The following URAD variants were observed in gnomAD, a reference collection of about 807,000 sequenced individuals.
URAD encodes putative 2-oxo-4-hydroxy-4-carboxy-5-ureidoimidazoline decarboxylase.
Under a neutral mutation model 4.6 loss-of-function variants are expected in URAD, and 4 were observed. The ratio of observed to expected loss-of-function variants is 0.87; its 90% CI spans 0.43 to 1.98. The LOEUF (loss-of-function observed/expected upper bound fraction) is 1.98. Among genes scored for constraint, URAD ranks in the 30% most tolerant of loss-of-function variants. The pLI, the probability that URAD is intolerant of heterozygous loss-of-function variation, is 0.03. For missense variants in URAD, 300 were observed against 255.3 expected (o/e 1.18, Z -1.19); for synonymous variants, 144 against 118.2 (o/e 1.22, Z -1.41).
intron 1 of URAD, among the ~76,000 whole-genome samples, chr13:27,987,982 C>T (rs1444851218): frequency 6.6e-6 from 1 of 152,070 alleles, no homozygotes; most frequent in Non-Finnish European, 1.5e-5. Context: ...TTTTTTGAGA[C>T]ATAGTCTTGC....
chr13:27,985,474 A>T (rs371440058), intron 1 of URAD, among the ~76,000 whole-genome samples: 1 of 152,144 alleles, frequency 6.6e-6, no homozygotes, highest in African/African-American at 2.4e-5. Context: ...AATAAAAAAT[A>T]AAAAAGCCTA....
chr13:27,978,203 G>T lies in URAD; in HGVS notation c.425C>A (p.Pro142Gln), dbSNP rs757268000. The change falls in exon 2 of 2, where the codon CCG becomes CAG. Residue 142 changes from proline (P) to glutamine (Q), a missense_variant. Coordinates refer to ENST00000332715, the MANE Select transcript of URAD (RefSeq NM_001105577.2). ...AGCAGTGCGCAGCTCCTGCGCGGAC[G>T]GGCAGAGCAGCCGGCGCGCCAGCTC... ...PRELARRLLC[P>Q]SAQELRTALG... 111 of 1,489,790 alleles carry T rather than the reference G, an allele frequency of 7.5e-5. No homozygotes were observed. The highest frequency in any genetic ancestry group is 8.3e-5 in the Non-Finnish European group (94 of 1,131,760). 92.3% of individuals were successfully genotyped at this position (1,489,790 alleles called of 1,614,324 possible).
intron 1 of URAD, among the ~76,000 whole-genome samples, chr13:27,981,008 TTCTCTC>T (rs900608486): frequency 5.4e-5 from 6 of 111,708 alleles, no homozygotes; most frequent in African/African-American, 1.7e-4. Context: ...TTTCAGTCGC[TTCTCTC>T]TCTCTCTCTC....
Position 27,978,254 on chromosome 13 carries a change from A to G in URAD, c.374T>C (p.Phe125Ser). ...FGFPFVLAAR[F>S]SDRTAVPREL... ...GCGCGGCACCGCCGTCCGGTCGCTG[A>G]AGCGCGCGGCGAGCACGAAGGGGAA... is the stretch of plus-strand genomic sequence containing the variant. The change falls in exon 2 of 2, where the codon TTC becomes TCC. Residue 125 changes from phenylalanine (F) to serine (S), a missense_variant. Physicochemically the swap from Phe to Ser is radical, Grantham distance 155 (BLOSUM62 -2). Transcript: ENST00000332715. The G allele has an allele frequency of 6.9e-7, 1 of 1,445,096 alleles. No individual in the cohort carries two copies. Among genetic ancestry groups the G allele is most frequent in the Non-Finnish European group, 9.0e-7 (1 of 1,108,518 alleles). 89.5% of individuals were successfully genotyped at this position (1,445,096 alleles called of 1,614,324 possible).
intron 1 of URAD, among the ~76,000 whole-genome samples, chr13:27,980,068 T>C (rs1869830294): frequency 6.6e-6 from 1 of 152,142 alleles, no homozygotes; most frequent in East Asian, 1.9e-4. Flanking sequence ...CCACTGTTTT[T>C]TGTTTTTTGT....
chr13:27,988,374 G>A (rs549858626), intron 1 of URAD, 89 bp downstream of exon 1: 24 of 1,342,128 alleles, frequency 1.8e-5, no homozygotes, highest in African/African-American at 1.6e-4. Flanking sequence ...TTACAGGTGT[G>A]AGCCACCATT....
intron 1 of URAD, among the ~76,000 whole-genome samples, chr13:27,986,363 G>A (rs116870063): frequency 1.9e-3 from 282 of 152,244 alleles, no homozygotes; most frequent in Non-Finnish European, 3.2e-3. Context: ...CAAGTCACGG[G>A]GGCATCAAAA....
chr13:27,988,412 CA>C (rs1870098118), intron 1 of URAD, 50 bp downstream of exon 1: 1 of 1,513,830 alleles, frequency 6.6e-7, no homozygotes, highest in South Asian at 1.3e-5. Flanking sequence ...AATATTTTAA[CA>C]AGCATATTTG....
intron 1 of URAD, among the ~76,000 whole-genome samples, chr13:27,978,785 C>A (rs961680264): frequency 5.3e-5 from 8 of 151,974 alleles, no homozygotes; most frequent in African/African-American, 1.7e-4. Context: ...AGAGAGAGGG[C>A]GGCCGCTGAG....
chr13:27,978,242 G>T lies in URAD; in HGVS notation c.386C>A (p.Thr129Lys). The change falls in exon 2 of 2, where the codon ACG becomes AAG. Residue 129 changes from threonine to lysine, a missense_variant. Thr to Lys is a moderately conservative substitution (Grantham distance 78). Coordinates refer to ENST00000332715, the MANE Select transcript of URAD (RefSeq NM_001105577.2). ...FVLAARFSDR[T>K]AVPRELARRL... is the part of the protein sequence containing the mutation. The stretch of plus-strand genomic sequence containing the variant: ...GCGCGCCAGCTCGCGCGGCACCGCC[G>T]TCCGGTCGCTGAAGCGCGCGGCGAG... The T allele has an allele frequency of 6.9e-7, 1 of 1,457,042 alleles. No homozygotes were observed. The highest frequency in any genetic ancestry group is 9.0e-7 in the Non-Finnish European group (1 of 1,114,186). 90.3% of individuals were successfully genotyped at this position (1,457,042 alleles called of 1,614,324 possible).
At chr13:27,985,782 C>T (rs1870009534) in intron 1 of URAD, among the ~76,000 whole-genome samples, 1 of 152,186 alleles carries the variant, frequency 6.6e-6, no homozygotes, top group African/African-American at 2.4e-5. Flanking sequence ...GTTACTTAAT[C>T]TCTGTGTGCC....
In URAD at chr13:27,988,532, G is replaced by T; in HGVS notation, c.106C>A (p.Arg36=). ...PLIAAAVWSQ[R]PFSDLEDLEK... ...AAATCTTCCAAATCAGAGAATGGCC[G>T]CTGGGACCAAACAGCAGCTGCAATC... Residue 36 remains arginine (R), a synonymous_variant, in exon 1 of 2, where the codon CGG becomes AGG. Coordinates refer to ENST00000332715, the MANE Select transcript of URAD (RefSeq NM_001105577.2). The T allele has an allele frequency of 4.3e-6, 7 of 1,613,800 alleles. No homozygotes were observed. The highest frequency in any genetic ancestry group is 1.7e-4 in the Middle Eastern group (1 of 6,060).
intron 1 of URAD, among the ~76,000 whole-genome samples, chr13:27,986,341 C>G (rs80155896): frequency 0.026 from 3,927 of 152,260 alleles, 133 homozygotes; most frequent in African/African-American, 0.086. Context: ...AGCCAGGAGA[C>G]AGAGGTTTCA....
chr13:27,985,181 G>A (rs1326362382), intron 1 of URAD, among the ~76,000 whole-genome samples: 1 of 152,024 alleles, frequency 6.6e-6, no homozygotes, highest in Admixed American at 6.5e-5. Context: ...TTGAAGGTGG[G>A]GCAAGGTGGC....
intron 1 of URAD, among the ~76,000 whole-genome samples, chr13:27,980,073 T>C (rs1566041653): frequency 6.6e-6 from 1 of 152,116 alleles, no homozygotes; most frequent in Non-Finnish European, 1.5e-5. Flanking sequence ...GTTTTTTGTT[T>C]TTTGTGTGTT....
intron 1 of URAD, among the ~76,000 whole-genome samples, chr13:27,981,266 C>T (rs1489768122): frequency 6.6e-6 from 1 of 152,192 alleles, no homozygotes; most frequent in East Asian, 1.9e-4. Flanking sequence ...TATGCTATCC[C>T]TAAGCTGTGC....
At position 27,988,578 on chromosome 13, in the gene URAD, A is replaced by G; in HGVS notation, c.60T>C (p.Asn20=). Residue 20 remains asparagine, a synonymous_variant, in exon 1 of 2, where the codon AAT becomes AAC. Transcript: ENST00000332715. ...CAATCAGAGGACATCTCTCAGTGGCATTCCCAAACACATCCACGAATTCTC... is the reference window on the plus strand; with the variant it reads ...CAATCAGAGGACATCTCTCAGTGGCGTTCCCAAACACATCCACGAATTCTC... ...DLGEFVDVFG[N]ATERCPLIAA... is the part of the protein sequence containing the mutation. 6.2e-7 allele frequency: 1 copy of G among 1,613,898 alleles called. No individual in the cohort carries two copies. Among genetic ancestry groups the G allele is most frequent in the Non-Finnish European group, 8.5e-7 (1 of 1,179,848 alleles).
At chr13:27,980,626 T>C (rs1869846750) in intron 1 of URAD, among the ~76,000 whole-genome samples, 1 of 152,076 alleles carries the variant, frequency 6.6e-6, no homozygotes, top group Non-Finnish European at 1.5e-5. Context: ...CACCGTTGCA[T>C]GCTGTCTGGA....
At chr13:27,986,064 C>T (rs1322335489) in intron 1 of URAD, among the ~76,000 whole-genome samples, 1 of 152,094 alleles carries the variant, frequency 6.6e-6, no homozygotes, top group Non-Finnish European at 1.5e-5. Flanking sequence ...AGTGCAGAAC[C>T]GAGAAGCAGC....
Sources: allele counts gnomAD v4.1 joint callset (sites outside exome capture counted in the v4.1 genomes callset), GRCh38; gene constraint gnomAD v4.1.1; transcripts MANE v1.5; gene names NCBI Gene and HGNC (gene_info 2026-07-23, HGNC 2026-07-21).